GABBR2: variants seen among roughly 807,000 people sequenced by gnomAD.
The protein encoded by GABBR2 is gamma-aminobutyric acid type B receptor subunit 2.
GABBR2 carries 23 observed loss-of-function variants against 105.6 expected under a neutral mutation model. The ratio of observed to expected loss-of-function variants is 0.22; its 90% confidence interval spans 0.16 to 0.31. The LOEUF (loss-of-function observed/expected upper bound fraction) is 0.31. Ranked by LOEUF, GABBR2 falls within the 10% of genes least tolerant of loss-of-function variation. The pLI is 1.00. For missense variants in GABBR2, 734 were observed against 1,245.5 expected (o/e 0.59, Z 6.18); for synonymous variants, 478 against 499.7 (o/e 0.96, Z 0.58).
chr9:98,479,222 G>A (rs1001755623), intron 5 of GABBR2, among the ~76,000 whole-genome samples: 3 of 152,074 alleles, frequency 2.0e-5, no homozygotes, highest in Non-Finnish European at 2.9e-5. Context: ...CCAGTAAATG[G>A]TGGCCCATTC....
At chr9:98,502,039 T>C (rs1827411259) in intron 3 of GABBR2, among the ~76,000 whole-genome samples, 1 of 152,126 alleles carries the variant, frequency 6.6e-6, no homozygotes, top group Non-Finnish European at 1.5e-5. Flanking sequence ...GCCATCACAA[T>C]GGCTTCGTTC....
At chr9:98,386,450 G>A (rs1330968496) in intron 10 of GABBR2, among the ~76,000 whole-genome samples, 2 of 152,122 alleles carry the variant, frequency 1.3e-5, no homozygotes, top group African/African-American at 4.8e-5. Flanking sequence ...CCCAGTCACC[G>A]GGTGACAGAG....
intron 5 of GABBR2, among the ~76,000 whole-genome samples, chr9:98,480,622 G>A (rs1264616275): frequency 1.3e-5 from 2 of 152,210 alleles, no homozygotes; most frequent in African/African-American, 4.8e-5. Context: ...GAGGGGGTCT[G>A]AGTCACTTCA....
At chr9:98,673,718 C>T (rs570620352) in intron 1 of GABBR2, among the ~76,000 whole-genome samples, 1 of 152,220 alleles carries the variant, frequency 6.6e-6, no homozygotes, top group East Asian at 1.9e-4. Flanking sequence ...ACAATTGATG[C>T]CCTAAAGATC....
At chr9:98,445,157 T>C (rs1464948432) in intron 7 of GABBR2, among the ~76,000 whole-genome samples, 5 of 152,230 alleles carry the variant, frequency 3.3e-5, no homozygotes, top group Non-Finnish European at 5.9e-5. Flanking sequence ...ATTGAGCTTC[T>C]ACCAGGCATA....
chr9:98,637,842 T>C lies in GABBR2; in HGVS notation c.322-59770A>G, dbSNP rs1829901983. On this transcript the variant is annotated intron_variant, in intron 1 of 18. Coordinates refer to ENST00000259455, the MANE Select transcript of GABBR2 (RefSeq NM_005458.8). ...AGAACTATCAGATAATAAAGTTGTGTTTGTTCAAGCCACTAAATTTATGGT... is the reference window on the plus strand; with the variant it reads ...AGAACTATCAGATAATAAAGTTGTGCTTGTTCAAGCCACTAAATTTATGGT... 2.0e-5 allele frequency among the ~76,000 whole-genome samples: 3 copies of C among 152,178 alleles called. No homozygotes were observed. The South Asian group carries it at 6.2e-4, about 32-fold the overall frequency.
chr9:98,622,656 C>T (rs1330534070), intron 1 of GABBR2, among the ~76,000 whole-genome samples: 6 of 152,208 alleles, frequency 3.9e-5, no homozygotes, highest in African/African-American at 1.2e-4. Flanking sequence ...TGCCCTGTCT[C>T]GCTTGGAGTC....
chr9:98,457,872 G>C (rs1826353824), intron 6 of GABBR2, among the ~76,000 whole-genome samples: 1 of 152,152 alleles, frequency 6.6e-6, no homozygotes, highest in Non-Finnish European at 1.5e-5. Context: ...AATTATTCAA[G>C]GCAGAAGAAT....
intron 1 of GABBR2, among the ~76,000 whole-genome samples, chr9:98,580,595 C>A (rs1051618134): frequency 6.6e-6 from 1 of 152,092 alleles, no homozygotes; most frequent in Non-Finnish European, 1.5e-5. Flanking sequence ...TGAGAACAGC[C>A]TGGACAACAT....
rs146823271 is a variant in GABBR2 at position 98,419,988 on chromosome 9, T to C, written c.1237-13847A>G. 1.9e-3 allele frequency among the ~76,000 whole-genome samples: 296 copies of C among 152,064 alleles called. 1 individual carries two copies. Among genetic ancestry groups the C allele is most frequent in the African/African-American group, 6.6e-3 (272 of 41,500 alleles). ...GGAGCCTCCTGACAACGTTTCTGGC[T>C]CCCAAGCAGCTGACATCAGGTTGTA... On this transcript the variant is annotated intron_variant, in intron 7 of 18. Coordinates refer to ENST00000259455, the MANE Select transcript of GABBR2 (RefSeq NM_005458.8).
intron 1 of GABBR2, among the ~76,000 whole-genome samples, chr9:98,633,112 T>C (rs1357388542): frequency 6.6e-6 from 1 of 152,154 alleles, no homozygotes; most frequent in Non-Finnish European, 1.5e-5. Context: ...AAAAGTGAAG[T>C]CACCCAGCTT....
chr9:98,374,734 G>A (rs1252303439), intron 11 of GABBR2, among the ~76,000 whole-genome samples: 1 of 152,200 alleles, frequency 6.6e-6, no homozygotes, highest in African/African-American at 2.4e-5. Flanking sequence ...CTCCTCCGCT[G>A]TGATAGGGCT....
intron 3 of GABBR2, among the ~76,000 whole-genome samples, chr9:98,515,723 C>T (rs995254181): frequency 1.3e-5 from 2 of 152,088 alleles, no homozygotes; most frequent in Admixed American, 1.3e-4. Context: ...TCCCTCACTC[C>T]AAGCCCTCAG....
chr9:98,706,275 A>C (rs1830893087), intron 1 of GABBR2, among the ~76,000 whole-genome samples: 1 of 152,096 alleles, frequency 6.6e-6, no homozygotes, highest in Non-Finnish European at 1.5e-5. Context: ...CAGAGTACAC[A>C]TAATATTCCC....
intron 1 of GABBR2, among the ~76,000 whole-genome samples, chr9:98,585,092 A>G (rs1480398876): frequency 6.6e-6 from 1 of 152,090 alleles, no homozygotes; most frequent in East Asian, 1.9e-4. Flanking sequence ...CATTTCACAA[A>G]CAGCCTTTGG....
intron 2 of GABBR2, 76 bp downstream of exon 2, chr9:98,577,859 C>A: frequency 7.1e-7 from 1 of 1,417,612 alleles, no homozygotes; most frequent in South Asian, 1.3e-5. Flanking sequence ...CCACATTGTA[C>A]AAGGAATAAT....
At chr9:98,500,976 T>C (rs185968733) in intron 3 of GABBR2, among the ~76,000 whole-genome samples, 154 of 152,304 alleles carry the variant, frequency 1.0e-3, no homozygotes, top group African/African-American at 3.4e-3. Context: ...AACCACATTC[T>C]AAACAAAGCA....
chr9:98,635,667 G>A (rs1471867977), intron 1 of GABBR2, among the ~76,000 whole-genome samples: 1 of 152,078 alleles, frequency 6.6e-6, no homozygotes, highest in Non-Finnish European at 1.5e-5. Context: ...GTGACAATCT[G>A]AAAAAAATAG....
intron 3 of GABBR2, among the ~76,000 whole-genome samples, chr9:98,520,882 G>A (rs1016927450): frequency 6.6e-5 from 10 of 152,144 alleles, no homozygotes; most frequent in Non-Finnish European, 1.3e-4. Context: ...CCATCTGATC[G>A]AGAGGATGCT....
Sources: gnomAD v4.1 joint callset for allele counts (sites outside exome capture counted in the v4.1 genomes callset) on GRCh38, gnomAD v4.1.1 for gene constraint, MANE v1.5 for transcripts, NCBI Gene and HGNC (gene_info 2026-07-23, HGNC 2026-07-21) for gene names.